PABPC4L: variants seen among roughly 807,000 people sequenced by gnomAD.
PABPC4L encodes polyadenylate-binding protein 4-like.
For synonymous variants in PABPC4L, 169 were observed against 164.1 expected (o/e 1.03, Z -0.23); for missense variants, 452 against 451.4 (o/e 1.00, Z -0.01).
chr4:134,175,309 C>T, the PABPC4L span, among the ~76,000 whole-genome samples: 1 of 151,998 alleles, frequency 6.6e-6, no homozygotes, highest in African/African-American at 2.4e-5. Context: ...ATGTGAATTA[C>T]ATGTGTGCTA....
chr4:134,102,733 A>T, the PABPC4L span, among the ~76,000 whole-genome samples: 293 of 151,714 alleles, frequency 1.9e-3, 1 homozygote, highest in African/African-American at 6.7e-3. Context: ...TAATTTAATG[A>T]TATCAAAATG....
the PABPC4L span, among the ~76,000 whole-genome samples, chr4:133,978,387 C>G: frequency 6.6e-6 from 1 of 152,276 alleles, no homozygotes; most frequent in African/African-American, 2.4e-5. Context: ...GCAAGAGGAT[C>G]ACTTGAGCCC....
At chr4:134,075,618 G>T in the PABPC4L span, among the ~76,000 whole-genome samples, 1 of 151,988 alleles carries the variant, frequency 6.6e-6, no homozygotes, top group African/African-American at 2.4e-5. Flanking sequence ...TTTCTAATGT[G>T]ATTTAATATA....
At chr4:133,998,839 C>A in the PABPC4L span, among the ~76,000 whole-genome samples, 3 of 151,592 alleles carry the variant, frequency 2.0e-5, no homozygotes, top group African/African-American at 7.3e-5. Context: ...GAGTGCAATT[C>A]ATTTGAATGT....
In PABPC4L at chr4:134,200,212, C is replaced by T; in HGVS notation, c.808G>A (p.Glu270Lys). The change falls in exon 2 of 2, where the codon GAG becomes AAG. Residue 270 changes from glutamate to lysine, a missense_variant. By Grantham distance (56) the Glu-to-Lys change is moderately conservative. Coordinates refer to ENST00000421491, the MANE Select transcript of PABPC4L (RefSeq NM_001114734.2). ...ATTTGCTTTAACTCAGCCTGTCGCT[C>T]GACTTTCTTTTGAGCCCGGCCTACA... Reference protein sequence around the residue: ...IFVGRAQKKVERQAELKQMFE... With the variant: ...IFVGRAQKKVKRQAELKQMFE... The T allele has an allele frequency of 6.4e-7, 1 of 1,551,724 alleles. No individual in the cohort carries two copies. Among genetic ancestry groups the T allele is most frequent in the South Asian group, 1.2e-5 (1 of 84,056 alleles).
At chr4:134,069,685 C>T in the PABPC4L span, among the ~76,000 whole-genome samples, 1 of 152,234 alleles carries the variant, frequency 6.6e-6, no homozygotes, top group African/African-American at 2.4e-5. Flanking sequence ...TTGGTTCTTT[C>T]TTAAAATGAC....
the PABPC4L span, among the ~76,000 whole-genome samples, chr4:134,166,703 T>C: frequency 6.6e-6 from 1 of 152,286 alleles, no homozygotes; most frequent in East Asian, 1.9e-4. Context: ...AGATCACAAA[T>C]TAAGCCAGTA....
chr4:134,098,299 T>C, the PABPC4L span, among the ~76,000 whole-genome samples: 1 of 151,754 alleles, frequency 6.6e-6, no homozygotes, highest in African/African-American at 2.4e-5. Flanking sequence ...ATTAGTATGA[T>C]TTGCAGATTT....
the PABPC4L span, among the ~76,000 whole-genome samples, chr4:134,149,576 T>G: frequency 3.8e-3 from 571 of 152,244 alleles, 2 homozygotes; most frequent in African/African-American, 0.013. Flanking sequence ...CCCAGGTCCT[T>G]GAAAAAGACA....
chr4:133,989,969 A>G, the PABPC4L span, among the ~76,000 whole-genome samples: 1 of 152,050 alleles, frequency 6.6e-6, no homozygotes, highest in African/African-American at 2.4e-5. Flanking sequence ...GAAGCCCTTT[A>G]TACATAAGAT....
chr4:134,005,671 A>T, the PABPC4L span, among the ~76,000 whole-genome samples: 2 of 151,824 alleles, frequency 1.3e-5, no homozygotes, highest in Admixed American at 1.3e-4. Flanking sequence ...TGTACTATAG[A>T]CACTAGGCAA....
chr4:133,997,339 GTT>G, the PABPC4L span, among the ~76,000 whole-genome samples: 7 of 151,618 alleles, frequency 4.6e-5, no homozygotes, highest in Admixed American at 6.6e-5. Flanking sequence ...AAAGGGAAAG[GTT>G]TTTTTTCAAA....
At chr4:134,179,715 A>C in the PABPC4L span, among the ~76,000 whole-genome samples, 1 of 152,144 alleles carries the variant, frequency 6.6e-6, no homozygotes, top group Non-Finnish European at 1.5e-5. Context: ...AATGCAAAAC[A>C]TAAAGAGGCA....
chr4:133,980,937 C>CA, the PABPC4L span, among the ~76,000 whole-genome samples: 2 of 152,120 alleles, frequency 1.3e-5, no homozygotes, highest in Non-Finnish European at 2.9e-5. Flanking sequence ...GTGGGCAGAT[C>CA]ATTTGAGGTC....
chr4:134,085,390 A>C, the PABPC4L span, among the ~76,000 whole-genome samples: 11 of 152,272 alleles, frequency 7.2e-5, no homozygotes, highest in African/African-American at 2.4e-4. Flanking sequence ...AACATATGTG[A>C]CATATTATAC....
At chr4:134,066,227 A>C in the PABPC4L span, among the ~76,000 whole-genome samples, 1 of 152,062 alleles carries the variant, frequency 6.6e-6, no homozygotes, top group Non-Finnish European at 1.5e-5. Context: ...TTCTTTTATC[A>C]GTGTTTTGTA....
the PABPC4L span, among the ~76,000 whole-genome samples, chr4:134,059,919 G>A: frequency 1.5e-4 from 23 of 152,036 alleles, no homozygotes; most frequent in African/African-American, 5.1e-4. Flanking sequence ...TTTTAACTTC[G>A]TATCTCTAAA....
the PABPC4L span, among the ~76,000 whole-genome samples, chr4:134,018,565 T>C: frequency 6.6e-6 from 1 of 152,180 alleles, no homozygotes; most frequent in East Asian, 1.9e-4. Context: ...TTTGTTTTCA[T>C]ATGTACTTTC....
the PABPC4L span, among the ~76,000 whole-genome samples, chr4:134,134,060 A>C: frequency 6.6e-6 from 1 of 152,090 alleles, no homozygotes; most frequent in Admixed American, 6.6e-5. Context: ...TTGATAAATA[A>C]ATTTCAACAA....
Sources: gnomAD v4.1 joint callset for allele counts (sites outside exome capture counted in the v4.1 genomes callset) on GRCh38, gnomAD v4.1.1 for gene constraint, MANE v1.5 for transcripts, NCBI Gene and HGNC (gene_info 2026-07-23, HGNC 2026-07-21) for gene names.